RASGEF1C: variants seen among roughly 807,000 people sequenced by gnomAD.
RASGEF1C encodes ras-GEF domain-containing family member 1C.
RASGEF1C carries 27 observed loss-of-function variants against 58.1 expected under a neutral mutation model. The observed-to-expected ratio is 0.46, with a 90% confidence interval of 0.34 to 0.64. The LOEUF is 0.64. Ranked by LOEUF, RASGEF1C falls within the 30% of genes least tolerant of loss-of-function variation. The pLI is 0.01. For synonymous variants in RASGEF1C, 243 were observed against 246.3 expected, an observed-to-expected ratio of 0.99 and a Z score of 0.13; for missense variants, 502 against 605.1, an observed-to-expected ratio of 0.83 and a Z score of 1.79.
At position 180,173,202 on chromosome 5, in the gene RASGEF1C, T is replaced by C. The variant is rs190561535; in HGVS notation, c.-6-35144A>G. On this transcript the variant is annotated intron_variant, in intron 1 of 13. Transcript: ENST00000361132. Reference sequence around the variant, plus strand: ...CTTTCAGGAGAATCAGTGCGTCTGCTTTCCTGCAAAAACTCAGAAGAGCCA... The same window carrying C: ...CTTTCAGGAGAATCAGTGCGTCTGCCTTCCTGCAAAAACTCAGAAGAGCCA... Among the ~76,000 whole-genome samples, 867 of 152,370 alleles carry C rather than the reference T, an allele frequency of 5.7e-3. 7 individuals carry two copies. The highest frequency in any genetic ancestry group is 0.02 in the African/African-American group (819 of 41,584).
At position 180,155,240 on chromosome 5, in the gene RASGEF1C, G is replaced by A. The variant is rs142955279; in HGVS notation, c.-6-17182C>T. Reference sequence around the variant, plus strand: ...CTGCCCCGAGCAGTGGTAGCATCACGTCTAGGCTCTGAAAGCCTCTGTGGT... The same window carrying A: ...CTGCCCCGAGCAGTGGTAGCATCACATCTAGGCTCTGAAAGCCTCTGTGGT... On this transcript the variant is annotated intron_variant, in intron 1 of 13. Coordinates refer to ENST00000361132, the MANE Select transcript of RASGEF1C (RefSeq NM_175062.4). The surrounding 1 kb of genome is among the most constrained non-coding windows in gnomAD (Gnocchi z 5.2). Among the ~76,000 whole-genome samples, 94 of 152,302 alleles carry A rather than the reference G, an allele frequency of 6.2e-4. 1 individual carries two copies. In the East Asian group the frequency reaches 0.016, roughly 26 times the overall value.
intron 12 of RASGEF1C, among the ~76,000 whole-genome samples, chr5:180,103,746 C>T (rs1765834926): frequency 6.6e-6 from 1 of 152,160 alleles, no homozygotes; most frequent in East Asian, 1.9e-4. Context: ...AACATCCTTT[C>T]ATTGTTATTG....
intron 11 of RASGEF1C, among the ~76,000 whole-genome samples, 187 bp from the exon 12 acceptor site, chr5:180,111,767 G>C (rs1035786194): frequency 6.6e-6 from 1 of 152,108 alleles, no homozygotes; most frequent in Non-Finnish European, 1.5e-5. Flanking sequence ...GCAAGAGTGG[G>C]CCTGGTTTTA....
chr5:180,130,588 T>C (rs542232169), intron 4 of RASGEF1C, among the ~76,000 whole-genome samples: 1 of 152,350 alleles, frequency 6.6e-6, no homozygotes, highest in Non-Finnish European at 1.5e-5. Context: ...AGTCAATTCG[T>C]TGGGCCCTCC....
At position 180,137,505 on chromosome 5, in the gene RASGEF1C, G is replaced by A. The variant is rs1766502486; in HGVS notation, c.300+85C>T. On this transcript the variant is annotated intron_variant, in intron 3 of 13. Coordinates refer to ENST00000361132, the MANE Select transcript of RASGEF1C (RefSeq NM_175062.4). The surrounding 1 kb of genome is among the most constrained non-coding windows in gnomAD (Gnocchi z 4.1). ...TGTCAGGAAAACGGGGACAATCATT[G>A]CCTCCCCGAGAGGCTGATGCGTTGA... 6 of 1,525,368 alleles carry A rather than the reference G, an allele frequency of 3.9e-6. No individual in the cohort carries two copies. The highest frequency in any genetic ancestry group is 5.3e-6 in the Non-Finnish European group (6 of 1,129,196). 94.5% of individuals were successfully genotyped at this position (1,525,368 alleles called of 1,614,324 possible). A position where few individuals can be genotyped will look rare whatever the true frequency, so the allele number is the denominator to read the frequency against.
Position 180,111,536 on chromosome 5 carries a change from C to A in RASGEF1C, c.1224G>T (p.Trp408Cys). 1 of 1,614,010 alleles carries A rather than the reference C, an allele frequency of 6.2e-7. No homozygotes were observed. The highest frequency in any genetic ancestry group is 8.5e-7 in the Non-Finnish European group (1 of 1,179,854). The change falls in exon 12 of 14, where the codon TGG (tryptophan) becomes TGT (cysteine). Residue 408 changes from tryptophan to cysteine, a missense_variant. Coordinates refer to ENST00000361132, the MANE Select transcript of RASGEF1C (RefSeq NM_175062.4). ...LAKQVGEFIT[W>C]KQVECPFEQD... is the part of the protein sequence containing the mutation. ...GCTCGAAGGGACACTCCACTTGTTT[C>A]CAGGTGATGAACTCCCCCACCTGCT...
At chr5:180,130,725 G>A (rs1202462537) in intron 4 of RASGEF1C, among the ~76,000 whole-genome samples, 2 of 152,162 alleles carry the variant, frequency 1.3e-5, no homozygotes, top group Non-Finnish European at 2.9e-5. Flanking sequence ...GAGATGCTGG[G>A]GTTCGGGGTT....
chr5:180,110,991 C>T (rs1765951196), intron 12 of RASGEF1C, among the ~76,000 whole-genome samples: 1 of 151,962 alleles, frequency 6.6e-6, no homozygotes, highest in Non-Finnish European at 1.5e-5. Flanking sequence ...AATTTTTGTA[C>T]TTTTAGTAGA....
At position 180,137,449 on chromosome 5, in the gene RASGEF1C, C is replaced by T. The variant is rs756898677; in HGVS notation, c.300+141G>A. ...TTCTGCTCCTTCTGGCTCTGGGCCTCAGACAAGGTGGAAACACCCGGTAGC... is the reference window on the plus strand; with the variant it reads ...TTCTGCTCCTTCTGGCTCTGGGCCTTAGACAAGGTGGAAACACCCGGTAGC... On this transcript the variant is annotated intron_variant, in intron 3 of 13. Transcript: ENST00000361132. The surrounding 1 kb of genome is among the most constrained non-coding windows in gnomAD (Gnocchi z 4.1). 1.7e-6 allele frequency: 2 copies of T among 1,187,556 alleles called. No homozygotes were observed. The highest frequency in any genetic ancestry group is 2.4e-6 in the Non-Finnish European group (2 of 839,696). The allele number at this position is 1,187,556 out of a possible 1,614,324, so 73.6% of individuals were successfully genotyped here.
chr5:180,112,698 C>T (rs1359672544), intron 11 of RASGEF1C, among the ~76,000 whole-genome samples: 1 of 152,254 alleles, frequency 6.6e-6, no homozygotes, highest in Non-Finnish European at 1.5e-5. Context: ...CATGCTCTGT[C>T]TGACTCAGTG....
In RASGEF1C at chr5:180,137,027, C is replaced by T. The variant is rs571932632; in HGVS notation, c.301-512G>A. 2.0e-5 allele frequency among the ~76,000 whole-genome samples: 3 copies of T among 152,262 alleles called. No homozygotes were observed. Among genetic ancestry groups the T allele is most frequent in the Admixed American group, 2.0e-4 (3 of 15,304 alleles). On this transcript the variant is annotated intron_variant, in intron 3 of 13. Coordinates refer to ENST00000361132, the MANE Select transcript of RASGEF1C (RefSeq NM_175062.4). This position sits in a 1 kb window ranked among gnomAD's most constrained non-coding sequence, Gnocchi z 4.1. ...GGCGGCCAAGCGCCACACCAGCCAGCCCGAGGGAGGCCAGCCCCGGGAAGC... is the reference window on the plus strand; with the variant it reads ...GGCGGCCAAGCGCCACACCAGCCAGTCCGAGGGAGGCCAGCCCCGGGAAGC...
chr5:180,114,430 C>A lies in RASGEF1C; in HGVS notation c.1179+16G>T. ...CGGCCTGTCTACCTCAGTGGCGGTC[C>A]ACACGGAGGTCCTACCTCAAAGTTG... On this transcript the variant is annotated intron_variant, in intron 11 of 13. Transcript: ENST00000361132. 1 of 1,609,760 alleles carries A rather than the reference C, an allele frequency of 6.2e-7. No homozygotes were observed. Among genetic ancestry groups the A allele is most frequent in the Non-Finnish European group, 8.5e-7 (1 of 1,177,346 alleles).
intron 12 of RASGEF1C, 98 bp from the exon 13 acceptor site, chr5:180,102,241 A>C (rs1019937610): frequency 1.3e-5 from 9 of 708,190 alleles, no homozygotes; most frequent in Non-Finnish European, 2.0e-5. Flanking sequence ...TGGGTTCTCT[A>C]TTCTGTCCCA....
At chr5:180,125,566 T>C (rs1766241561) in intron 6 of RASGEF1C, among the ~76,000 whole-genome samples, 1 of 151,990 alleles carries the variant, frequency 6.6e-6, no homozygotes, top group Non-Finnish European at 1.5e-5. Flanking sequence ...GTGGATCACC[T>C]GAGGTCGGGA....
At chr5:180,176,598 C>T (rs1404322066) in intron 1 of RASGEF1C, among the ~76,000 whole-genome samples, 2 of 151,446 alleles carry the variant, frequency 1.3e-5, no homozygotes, top group African/African-American at 4.9e-5. Flanking sequence ...GCTCTGTCGC[C>T]CAGGCTGGAG....
intron 1 of RASGEF1C, among the ~76,000 whole-genome samples, chr5:180,189,656 T>C (rs1197582636): frequency 6.6e-6 from 1 of 152,178 alleles, no homozygotes; most frequent in Non-Finnish European, 1.5e-5. Context: ...GCCTGGTGGC[T>C]CTCACCTGTA....
intron 12 of RASGEF1C, among the ~76,000 whole-genome samples, chr5:180,102,492 TG>T (rs570539617): frequency 6.6e-5 from 10 of 152,340 alleles, no homozygotes; most frequent in Admixed American, 6.5e-4. Flanking sequence ...GGTTATCTCT[TG>T]CTTTTCCCTG....
Position 180,127,766 on chromosome 5 carries a change from G to A in RASGEF1C, c.640-83C>T. 3.8e-6 allele frequency: 5 copies of A among 1,307,666 alleles called. No individual in the cohort carries two copies. In the South Asian group the frequency reaches 5.4e-5, roughly 14 times the overall value. The allele number at this position is 1,307,666 out of a possible 1,614,324, so 81.0% of individuals were successfully genotyped here. On this transcript the variant is annotated intron_variant, in intron 5 of 13. Coordinates refer to ENST00000361132, the MANE Select transcript of RASGEF1C (RefSeq NM_175062.4). The stretch of plus-strand genomic sequence containing the variant: ...CTGGGGGGCCTGCCGTGGTGCCCCA[G>A]CCCCTAGTCCTCCTCACAACAGTCA...
intron 1 of RASGEF1C, among the ~76,000 whole-genome samples, chr5:180,192,507 A>C (rs1278441257): frequency 6.6e-6 from 1 of 152,206 alleles, no homozygotes; most frequent in Non-Finnish European, 1.5e-5. Context: ...TTATTGGAAA[A>C]CATTTAAATG....
Sources: gnomAD v4.1 joint callset for allele counts (sites outside exome capture counted in the v4.1 genomes callset) on GRCh38, gnomAD v4.1.1 for gene constraint, Gnocchi (gnomAD v3.1) non-coding constraint, MANE v1.5 for transcripts, NCBI Gene and HGNC (gene_info 2026-07-23, HGNC 2026-07-21) for gene names.